CRYL1: variants seen among roughly 807,000 people sequenced by gnomAD.
CRYL1 encodes lambda-crystallin homolog.
In CRYL1, 29 loss-of-function variants were observed where a neutral mutation model predicts 36.6. The ratio of observed to expected loss-of-function variants is 0.79; its 90% CI spans 0.59 to 1.08. The LOEUF (loss-of-function observed/expected upper bound fraction) is 1.08. CRYL1 is among the 50% of genes least tolerant of loss of function. CRYL1 has a pLI of 0.00. For missense variants in CRYL1, 411 were observed against 407.9 expected (o/e 1.01, Z -0.06); for synonymous variants, 152 against 151.5 (o/e 1.00, Z -0.02).
chr13:20,453,043 T>A (rs1200474758), intron 3 of CRYL1, among the ~76,000 whole-genome samples: 1 of 152,208 alleles, frequency 6.6e-6, no homozygotes, highest in Non-Finnish European at 1.5e-5. Context: ...ATAACTTTCT[T>A]TCTCAGAACA....
chr13:20,497,106 G>A (rs56959765), intron 2 of CRYL1, among the ~76,000 whole-genome samples: 153 of 152,184 alleles, frequency 1.0e-3, no homozygotes, highest in African/African-American at 3.5e-3. Context: ...TGAGGAGTGG[G>A]AGGTGACAAG....
intron 3 of CRYL1, among the ~76,000 whole-genome samples, chr13:20,442,652 G>A (rs2032373874): frequency 6.6e-6 from 1 of 152,130 alleles, no homozygotes; most frequent in African/African-American, 2.4e-5. Flanking sequence ...TCTTTCAGGG[G>A]CCCTTTCTAG....
rs2031763659 is a variant in CRYL1 at position 20,420,012 on chromosome 13, C to T, written c.634-6625G>A. 4.6e-5 allele frequency among the ~76,000 whole-genome samples: 7 copies of T among 152,376 alleles called. No homozygotes were observed. In the South Asian group the frequency reaches 1.4e-3, roughly 32 times the overall value. On this transcript the variant is annotated intron_variant, in intron 5 of 7. Transcript: ENST00000298248. Reference sequence around the variant, plus strand: ...ACTGCTAAGTGCTGCCCCACAATTACTCACAGGCTTGTGGTCAGGTTTGTG... The same window carrying T: ...ACTGCTAAGTGCTGCCCCACAATTATTCACAGGCTTGTGGTCAGGTTTGTG...
rs1286746674 is a variant in CRYL1, at chr13:20,515,106, T to C, written c.42-2556A>G. Among the ~76,000 whole-genome samples the C allele has an allele frequency of 3.9e-5, 6 of 152,218 alleles. No individual in the cohort carries two copies. The East Asian group carries it at 7.7e-4, about 20-fold the overall frequency. ...ACCAGTCACAAAGGTTCACGTATTG[T>C]ATGATTCCATTTATAAAATGTCCGG... On this transcript the variant is annotated intron_variant, in intron 1 of 7. Coordinates refer to ENST00000298248, the MANE Select transcript of CRYL1 (RefSeq NM_015974.3).
At chr13:20,411,217 A>G (rs2031514983) in intron 6 of CRYL1, among the ~76,000 whole-genome samples, 1 of 152,228 alleles carries the variant, frequency 6.6e-6, no homozygotes, top group Non-Finnish European at 1.5e-5. Flanking sequence ...GCCAGATCTT[A>G]TAACTCTCCA....
chr13:20,484,139 T>TA (rs1565979513), intron 3 of CRYL1, among the ~76,000 whole-genome samples: 2 of 152,272 alleles, frequency 1.3e-5, no homozygotes, highest in South Asian at 2.1e-4. Context: ...TAATTTTTTT[T>TA]AAAAAAAGAA....
intron 3 of CRYL1, among the ~76,000 whole-genome samples, chr13:20,463,393 T>C (rs1308355155): frequency 2.5e-5 from 1 of 39,906 alleles, no homozygotes; most frequent in Non-Finnish European, 6.0e-5. Context: ...CACATAGTGA[T>C]TGATTTTTCT....
intron 3 of CRYL1, among the ~76,000 whole-genome samples, chr13:20,459,109 G>A (rs888522667): frequency 6.6e-6 from 1 of 151,894 alleles, no homozygotes; most frequent in Non-Finnish European, 1.5e-5. Flanking sequence ...GGTGGCGGGT[G>A]CCTGTAGTCC....
chr13:20,445,423 T>C (rs953890257), intron 3 of CRYL1, among the ~76,000 whole-genome samples: 1 of 152,162 alleles, frequency 6.6e-6, no homozygotes, highest in Non-Finnish European at 1.5e-5. Flanking sequence ...CCAGGAATAA[T>C]AGTAACAACA....
chr13:20,426,906 G>A, intron 5 of CRYL1: 1 of 985,584 alleles, frequency 1.0e-6, no homozygotes, highest in Non-Finnish European at 1.2e-6. Flanking sequence ...AAGGACAGCA[G>A]TCCAGCACAG....
chr13:20,422,103 A>G (rs1220923405), intron 5 of CRYL1, among the ~76,000 whole-genome samples: 1 of 152,218 alleles, frequency 6.6e-6, no homozygotes, highest in Non-Finnish European at 1.5e-5. Context: ...TCACACCTGT[A>G]ATCCTAGCAC....
At chr13:20,498,972 AAACT>A (rs1428102769) in intron 2 of CRYL1, among the ~76,000 whole-genome samples, 1 of 152,212 alleles carries the variant, frequency 6.6e-6, no homozygotes, top group African/African-American at 2.4e-5. Context: ...CTCTGACCTT[AAACT>A]AACTTTTTCA....
Position 20,403,876 on chromosome 13 carries a change from AG to A in CRYL1, c.*252del. 2.9e-6 allele frequency: 1 copy of A among 339,586 alleles called. No individual in the cohort carries two copies. 21.0% of individuals were successfully genotyped at this position (339,586 alleles called of 1,614,324 possible). ...CTGAAAAGAAAAGGTGAAAATCTCC[AG>A]GTTATCTGCCCAGGTGGCAGGAAAT... is the stretch of plus-strand genomic sequence containing the variant. On this transcript the variant is annotated 3_prime_UTR_variant, in exon 8 of 8. Coordinates refer to ENST00000298248, the MANE Select transcript of CRYL1 (RefSeq NM_015974.3).
chr13:20,515,446 A>C lies in CRYL1; in HGVS notation c.42-2896T>G, dbSNP rs145718494. The stretch of plus-strand genomic sequence containing the variant: ...TTCATAAGAGTGGATGGAGCCAGTA[A>C]ATAATAATAATTAATAATAATAATA... On this transcript the variant is annotated intron_variant, in intron 1 of 7. Coordinates refer to ENST00000298248, the MANE Select transcript of CRYL1 (RefSeq NM_015974.3). Among the ~76,000 whole-genome samples, 635 of 152,292 alleles carry C rather than the reference A, an allele frequency of 4.2e-3. 5 individuals carry two copies. Among genetic ancestry groups the C allele is most frequent in the African/African-American group, 0.014 (567 of 41,558 alleles).
At chr13:20,460,144 G>A (rs1436515014) in intron 3 of CRYL1, among the ~76,000 whole-genome samples, 5 of 152,206 alleles carry the variant, frequency 3.3e-5, no homozygotes, top group East Asian at 1.9e-4. Flanking sequence ...GGATGGATGT[G>A]CCAATACTTA....
chr13:20,488,340 C>T (rs1006770204), intron 3 of CRYL1, among the ~76,000 whole-genome samples: 1 of 152,172 alleles, frequency 6.6e-6, no homozygotes, highest in African/African-American at 2.4e-5. Context: ...ATACAAACTT[C>T]ACCATATCAA....
At chr13:20,498,802 A>G (rs986683130) in intron 2 of CRYL1, among the ~76,000 whole-genome samples, 1 of 152,086 alleles carries the variant, frequency 6.6e-6, no homozygotes, top group African/African-American at 2.4e-5. Flanking sequence ...TGTTTAGGAA[A>G]CTCAGTCTCC....
intron 2 of CRYL1, among the ~76,000 whole-genome samples, chr13:20,506,468 G>C (rs1014002023): frequency 6.6e-6 from 1 of 151,838 alleles, no homozygotes; most frequent in African/African-American, 2.4e-5. Flanking sequence ...AGGCACCAAT[G>C]ATATTAAGAA....
At chr13:20,493,152 T>A (rs2033543258) in intron 2 of CRYL1, among the ~76,000 whole-genome samples, 1 of 152,240 alleles carries the variant, frequency 6.6e-6, no homozygotes, top group South Asian at 2.1e-4. Flanking sequence ...AGCCGCCAGC[T>A]GTGGCTGTCA....
Sources: gnomAD v4.1 joint callset for allele counts (sites outside exome capture counted in the v4.1 genomes callset) on GRCh38, gnomAD v4.1.1 for gene constraint, MANE v1.5 for transcripts, NCBI Gene and HGNC (gene_info 2026-07-23, HGNC 2026-07-21) for gene names.